CDH22: variants seen among roughly 807,000 people sequenced by gnomAD.
CDH22 encodes cadherin 22, also known as cadherin-22.
A neutral mutation model predicts 58.4 loss-of-function variants in CDH22; 30 were observed. The observed-to-expected ratio is 0.51, with a 90% CI of 0.38 to 0.70. The LOEUF is 0.70. Ranked by LOEUF, CDH22 falls within the 30% of genes least tolerant of loss-of-function variation. CDH22 has a pLI of 0.00. For missense variants in CDH22, 1,014 were observed against 1,233.9 expected (o/e 0.82, Z 2.67); for synonymous variants, 513 against 558.2 (o/e 0.92, Z 1.14).
chr20:46,307,218 T>C lies in CDH22; in HGVS notation c.-400+1037A>G, dbSNP rs372247560. 1.6e-4 allele frequency among the ~76,000 whole-genome samples: 24 copies of C among 152,260 alleles called. No homozygotes were observed. The East Asian group carries it at 2.7e-3, about 17-fold the overall frequency. On this transcript the variant is annotated intron_variant, in intron 1 of 11. Transcript: ENST00000537909. ...GAGCAGCTTCAAACAGCAGCTTCTC[T>C]GCCCGCCACAAGGGGGTGCCCTGCA... is the stretch of plus-strand genomic sequence containing the variant.
At chr20:46,181,763 CT>C (rs1568649897) in intron 10 of CDH22, among the ~76,000 whole-genome samples, 1 of 120,320 alleles carries the variant, frequency 8.3e-6, no homozygotes, top group African/African-American at 3.2e-5. Flanking sequence ...TTCTTTCTTT[CT>C]TTCTTTCTTT....
chr20:46,177,077 G>T (rs947479196), intron 11 of CDH22, among the ~76,000 whole-genome samples: 1 of 152,220 alleles, frequency 6.6e-6, no homozygotes, highest in Admixed American at 6.5e-5. Flanking sequence ...CAGGGCCTCT[G>T]CTGGGACCTG....
Position 46,308,391 on chromosome 20 carries a change from AGG to A in CDH22, c.-538_-537del, listed in dbSNP as rs888613619. On this transcript the variant is annotated 5_prime_UTR_variant, in exon 1 of 12. Transcript: ENST00000537909. This position sits in a 1 kb window ranked among gnomAD's most constrained non-coding sequence, Gnocchi z 4.3. ...GAGCCGGAGGGAGAGCGGGAGCGAG[AGG>A]GGGAGCCGCGGCGGCGTGTGCGCGC... 5.0e-6 allele frequency: 1 copy of A among 198,030 alleles called. No homozygotes were observed. The highest frequency in any genetic ancestry group is 1.0e-5 in the Non-Finnish European group (1 of 96,702). 12.3% of individuals were successfully genotyped at this position (198,030 alleles called of 1,614,324 possible).
intron 4 of CDH22, among the ~76,000 whole-genome samples, chr20:46,226,273 TCTTCTTCTTCTTCTTCTTC>T (rs1454227914): frequency 0.14 from 775 of 5,352 alleles, 45 homozygotes; most frequent in Admixed American, 0.23. Context: ...TTCTTCTTCT[TCTTCTTCTTCTTCTTCTTC>T]TTTTTTTTTT....
chr20:46,183,364 C>T (rs1205857741), intron 10 of CDH22, among the ~76,000 whole-genome samples: 1 of 152,112 alleles, frequency 6.6e-6, no homozygotes, highest in Non-Finnish European at 1.5e-5. Flanking sequence ...GGTCAGCGTC[C>T]TTTCTGATTG....
At chr20:46,182,798 A>G (rs1007271416) in intron 10 of CDH22, among the ~76,000 whole-genome samples, 2 of 152,232 alleles carry the variant, frequency 1.3e-5, no homozygotes, top group Non-Finnish European at 2.9e-5. Context: ...CAAACTGGCT[A>G]CACATTTGTA....
chr20:46,214,941 A>G (rs2086073038), intron 5 of CDH22, among the ~76,000 whole-genome samples: 1 of 152,240 alleles, frequency 6.6e-6, no homozygotes, highest in African/African-American at 2.4e-5. Context: ...CTGTCGCATA[A>G]ATGAAATGTG....
intron 1 of CDH22, among the ~76,000 whole-genome samples, chr20:46,291,979 A>C (rs1031650965): frequency 6.6e-5 from 10 of 152,208 alleles, no homozygotes; most frequent in African/African-American, 2.4e-4. Context: ...TCCTCTAGAC[A>C]ATGCCAAATG....
chr20:46,175,191 C>T (rs2085730064), intron 11 of CDH22, 114 bp from the exon 12 acceptor site: 2 of 978,886 alleles, frequency 2.0e-6, no homozygotes, highest in South Asian at 3.4e-5. Flanking sequence ...CCAGCCTCAA[C>T]ATTCCTACAG....
At chr20:46,235,669 C>G (rs1449540986) in intron 3 of CDH22, among the ~76,000 whole-genome samples, 1 of 152,182 alleles carries the variant, frequency 6.6e-6, no homozygotes, top group East Asian at 1.9e-4. Context: ...TCTCCTCTGC[C>G]TCTTACTCCC....
At chr20:46,268,076 C>T (rs1463091094) in intron 1 of CDH22, among the ~76,000 whole-genome samples, 4 of 152,272 alleles carry the variant, frequency 2.6e-5, no homozygotes, top group African/African-American at 9.6e-5. Context: ...GGGTTTCTGT[C>T]CCCTCACCCG....
chr20:46,190,116 G>C (rs947680846), intron 8 of CDH22, among the ~76,000 whole-genome samples: 1 of 152,178 alleles, frequency 6.6e-6, no homozygotes, highest in Non-Finnish European at 1.5e-5. Flanking sequence ...ATCGTATTTT[G>C]CCACCTTAAA....
chr20:46,181,291 C>T (rs1252963169), intron 10 of CDH22, among the ~76,000 whole-genome samples: 1 of 152,078 alleles, frequency 6.6e-6, no homozygotes, highest in Non-Finnish European at 1.5e-5. Context: ...GAGCACATAA[C>T]AGAGCACCTG....
intron 8 of CDH22, among the ~76,000 whole-genome samples, chr20:46,197,759 C>G (rs1359453075): frequency 2.0e-5 from 3 of 152,218 alleles, no homozygotes. Flanking sequence ...GCAGCAGTCA[C>G]TGAGGTCTGA....
At chr20:46,265,031 C>T (rs1019210396) in intron 1 of CDH22, among the ~76,000 whole-genome samples, 1 of 152,220 alleles carries the variant, frequency 6.6e-6, no homozygotes, top group Non-Finnish European at 1.5e-5. Context: ...CCTGCCCTGC[C>T]CCCACCCTGC....
chr20:46,180,536 A>G (rs913903248), intron 10 of CDH22, among the ~76,000 whole-genome samples: 14 of 152,142 alleles, frequency 9.2e-5, no homozygotes, highest in South Asian at 2.1e-4. Context: ...CATGGGACCC[A>G]TTTGTACTGA....
intron 3 of CDH22, among the ~76,000 whole-genome samples, chr20:46,229,037 C>G (rs1382434197): frequency 1.3e-5 from 2 of 152,180 alleles, no homozygotes; most frequent in Non-Finnish European, 2.9e-5. Flanking sequence ...TGCAATGCGC[C>G]TCTCTCTTTG....
At chr20:46,196,446 G>T (rs1185549277) in intron 8 of CDH22, among the ~76,000 whole-genome samples, 2 of 152,158 alleles carry the variant, frequency 1.3e-5, no homozygotes, top group African/African-American at 4.8e-5. Flanking sequence ...GTTAATTTTT[G>T]TATTTTTAGT....
intron 4 of CDH22, among the ~76,000 whole-genome samples, chr20:46,224,308 C>A (rs1390110745): frequency 6.6e-6 from 1 of 152,236 alleles, no homozygotes; most frequent in Non-Finnish European, 1.5e-5. Context: ...CCTACTGAAG[C>A]ATTCCTAGTG....
Sources: allele counts gnomAD v4.1 joint callset (sites outside exome capture counted in the v4.1 genomes callset), GRCh38; gene constraint gnomAD v4.1.1; non-coding constraint Gnocchi (gnomAD v3.1); transcripts MANE v1.5; gene names NCBI Gene and HGNC (gene_info 2026-07-23, HGNC 2026-07-21).